The following STAB2 variants were observed in gnomAD, a reference collection of about 807,000 sequenced individuals.
STAB2 encodes stabilin 2.
Under a neutral mutation model 338.1 loss-of-function variants are expected in STAB2, and 288 were observed. That is an observed-to-expected ratio of 0.85 (90% CI 0.77 to 0.94). The LOEUF is 0.94. Among genes scored for constraint, STAB2 ranks in the 40% least tolerant of loss-of-function variants. The probability of loss-of-function intolerance (pLI) is 0.00; values close to 1 mark genes in which losing one functional copy is unlikely to be tolerated. For missense variants in STAB2, 3,141 were observed against 3,210.1 expected, an observed-to-expected ratio of 0.98 and a Z score of 0.52; for synonymous variants, 1,202 against 1,193.3, an observed-to-expected ratio of 1.01 and a Z score of -0.15.
intron 15 of STAB2, 54 bp from the exon 16 acceptor site, chr12:103,660,277 G>C: frequency 6.5e-7 from 1 of 1,542,214 alleles, no homozygotes; most frequent in South Asian, 1.1e-5. Context: ...TTCCACAAGA[G>C]TGGAAGTGTT....
intron 9 of STAB2, among the ~76,000 whole-genome samples, chr12:103,644,003 GC>G (rs1286079656): frequency 1.1e-5 from 1 of 90,676 alleles, no homozygotes; most frequent in Non-Finnish European, 2.4e-5. Flanking sequence ...GAGCCCCTCT[GC>G]CCAGCCACCA....
At chr12:103,648,952 T>C in intron 10 of STAB2, 129 bp downstream of exon 10, 1 of 1,307,676 alleles carries the variant, frequency 7.6e-7, no homozygotes, top group Non-Finnish European at 1.0e-6. Flanking sequence ...GGAGGGGTCA[T>C]GCAGGTGAGA....
At chr12:103,698,600 C>T (rs2138945041) in intron 33 of STAB2, among the ~76,000 whole-genome samples, 1 of 152,232 alleles carries the variant, frequency 6.6e-6, no homozygotes, top group South Asian at 2.1e-4. Flanking sequence ...AAATCGGTCC[C>T]ACGCAGCAAC....
In STAB2 at chr12:103,594,384, T is replaced by C. The variant is rs749018482; in HGVS notation, c.216-11T>C. On this transcript the variant is annotated splice_polypyrimidine_tract_variant and intron_variant, in intron 2 of 68. Coordinates refer to ENST00000388887, the MANE Select transcript of STAB2 (RefSeq NM_017564.10). ...TTATCGTGGGTTAATGTCCTCTCTT[T>C]ACCCTCCAAGGTACACCTTTGAGGT... is the stretch of plus-strand genomic sequence containing the variant. The C allele has an allele frequency of 6.2e-7, 1 of 1,609,610 alleles. No homozygotes were observed. Among genetic ancestry groups the C allele is most frequent in the African/African-American group, 1.3e-5 (1 of 74,922 alleles).
At chr12:103,670,989 G>A (rs1313761234) in intron 22 of STAB2, among the ~76,000 whole-genome samples, 182 bp downstream of exon 22, 1 of 152,152 alleles carries the variant, frequency 6.6e-6, no homozygotes, top group Non-Finnish European at 1.5e-5. Context: ...TGATCCCTGA[G>A]CCCCACCTGC....
chr12:103,759,365 A>G, intron 65 of STAB2, 92 bp downstream of exon 65: 1 of 1,510,852 alleles, frequency 6.6e-7, no homozygotes, highest in Non-Finnish European at 8.9e-7. Context: ...GGCAACTATT[A>G]TGCAAACATA....
At chr12:103,588,827 G>C (rs1002842565) in intron 1 of STAB2, among the ~76,000 whole-genome samples, 1 of 152,176 alleles carries the variant, frequency 6.6e-6, no homozygotes, top group African/African-American at 2.4e-5. Flanking sequence ...ATTAAAGGAG[G>C]TTAATTCAAA....
At chr12:103,750,501 A>G in intron 59 of STAB2, 78 bp from the exon 60 acceptor site, 1 of 1,574,304 alleles carries the variant, frequency 6.4e-7, no homozygotes, top group East Asian at 2.2e-5. Flanking sequence ...TAGGCTGGAC[A>G]TTGGTCCCAT....
chr12:103,649,723 A>G (rs1231153396), intron 10 of STAB2, among the ~76,000 whole-genome samples: 2 of 152,174 alleles, frequency 1.3e-5, no homozygotes, highest in South Asian at 4.1e-4. Context: ...AAGGCATCCC[A>G]TAGGGCATCA....
At chr12:103,742,665 C>A in intron 56 of STAB2, 111 bp downstream of exon 56, 1 of 1,501,328 alleles carries the variant, frequency 6.7e-7, no homozygotes, top group Non-Finnish European at 9.1e-7. Flanking sequence ...TTTCTCTCAG[C>A]CACACCCCTC....
Position 103,715,908 on chromosome 12 carries a change from G to C in STAB2, c.4611+20G>C. ...AACCAGGTGAGTGCCACCTCTCCCA[G>C]GCCCTTAGGTTTCCTAAAAGGGAAC... On this transcript the variant is annotated intron_variant, in intron 43 of 68. Transcript: ENST00000388887. 1 of 1,613,510 alleles carries C rather than the reference G, an allele frequency of 6.2e-7. No individual in the cohort carries two copies. Among genetic ancestry groups the C allele is most frequent in the Non-Finnish European group, 8.5e-7 (1 of 1,179,716 alleles).
intron 5 of STAB2, among the ~76,000 whole-genome samples, chr12:103,623,186 C>A (rs1288400522): frequency 2.0e-5 from 3 of 152,136 alleles, no homozygotes; most frequent in South Asian, 2.1e-4. Flanking sequence ...ACCACTGGAG[C>A]CTGATGCCCC....
chr12:103,644,304 G>A (rs896503269), intron 9 of STAB2, among the ~76,000 whole-genome samples: 15 of 149,740 alleles, frequency 1.0e-4, no homozygotes, highest in African/African-American at 3.7e-4. Flanking sequence ...GGTGCAAGAT[G>A]TGCTTTGTTA....
At chr12:103,632,659 C>A (rs1216989885) in intron 6 of STAB2, among the ~76,000 whole-genome samples, 2 of 152,216 alleles carry the variant, frequency 1.3e-5, no homozygotes, top group African/African-American at 4.8e-5. Flanking sequence ...GGGTGCACCG[C>A]TGGGGCAGAG....
chr12:103,708,961 C>T (rs183522320), intron 39 of STAB2, among the ~76,000 whole-genome samples: 4 of 152,298 alleles, frequency 2.6e-5, no homozygotes, highest in Admixed American at 2.6e-4. Context: ...CAATTTTCTG[C>T]TCTCTCAAAC....
rs1210212347 is a variant in STAB2 at position 103,761,397 on chromosome 12, C to A, written c.7346C>A (p.Pro2449His). 3 of 1,613,592 alleles carry A rather than the reference C, an allele frequency of 1.9e-6. No individual in the cohort carries two copies. The South Asian group carries it at 3.3e-5, about 18-fold the overall frequency. ...IHVISRPLKA[P>H]PAPVTLTHTG... ...GTCATTTCCAGGCCTTTAAAAGCAC[C>A]CCCTGCCCCCGTGGTGAGTATCTAG... Residue 2449 changes from proline to histidine, a missense_variant, in exon 66 of 69, where the codon CCC (proline) becomes CAC (histidine). Transcript: ENST00000388887.
At chr12:103,689,718 T>A in intron 28 of STAB2, 128 bp from the exon 29 acceptor site, 1 of 1,186,200 alleles carries the variant, frequency 8.4e-7, no homozygotes, top group Non-Finnish European at 1.2e-6. Context: ...GTGGGGTGGA[T>A]TTGGGAAAGG....
chr12:103,595,179 G>C (rs1956856942), intron 3 of STAB2, among the ~76,000 whole-genome samples: 1 of 152,086 alleles, frequency 6.6e-6, no homozygotes, highest in African/African-American at 2.4e-5. Flanking sequence ...CTCAAATAGT[G>C]ACTGAGTCAT....
At chr12:103,707,047 G>A (rs1284960840) in intron 38 of STAB2, 60 bp downstream of exon 38, 2 of 1,573,832 alleles carry the variant, frequency 1.3e-6, no homozygotes, top group African/African-American at 2.7e-5. Flanking sequence ...GGAATATGCA[G>A]GGAAAGAGTG....
Sources: allele counts gnomAD v4.1 joint callset (sites outside exome capture counted in the v4.1 genomes callset), GRCh38; gene constraint gnomAD v4.1.1; transcripts MANE v1.5; gene names NCBI Gene and HGNC (gene_info 2026-07-23, HGNC 2026-07-21).